Variants in MTO1 observed in about 807,000 individuals in gnomAD.
MTO1 encodes the protein mitochondrial tRNA translation optimization 1, also known as 5-taurinomethyluridine-[tRNA] synthase subunit MTO1, mitochondrial.
A neutral mutation model predicts 71.6 loss-of-function variants in MTO1; 46 were observed. The ratio of observed to expected loss-of-function variants is 0.64; its 90% confidence interval spans 0.51 to 0.82. The LOEUF (loss-of-function observed/expected upper bound fraction) is 0.82. MTO1 is among the 40% of genes least tolerant of loss of function. The probability of loss-of-function intolerance (pLI) is 0.00; values close to 1 mark genes in which losing one functional copy is unlikely to be tolerated. For synonymous variants in MTO1, 297 were observed against 312.1 expected, an observed-to-expected ratio of 0.95 and a Z score of 0.51; for missense variants, 773 against 867.5, an observed-to-expected ratio of 0.89 and a Z score of 1.37.
In MTO1 at chr6:73,461,810, C is replaced by A. The variant is rs375406465; in HGVS notation, c.-45C>A. On this transcript the variant is annotated 5_prime_UTR_variant, in exon 1 of 12. Coordinates refer to ENST00000498286, the MANE Select transcript of MTO1 (RefSeq NM_012123.4). ...CTCTTGTTGCGTAAGTTTTTTTGAC[C>A]GTCACTCGTGTCAGCTTCAAAGTCA... is the stretch of plus-strand genomic sequence containing the variant. 58 of 1,582,542 alleles carry A rather than the reference C, an allele frequency of 3.7e-5. No individual in the cohort carries two copies. The African/African-American group carries it at 7.3e-4, about 20-fold the overall frequency.
At chr6:73,488,817 C>T (rs1051969333) in intron 9 of MTO1, among the ~76,000 whole-genome samples, 2 of 152,096 alleles carry the variant, frequency 1.3e-5, no homozygotes, top group African/African-American at 4.8e-5. Context: ...ACTGAGCGGG[C>T]TGAAGCACGA....
At chr6:73,486,780 G>A (rs1308477778) in intron 9 of MTO1, 1 of 182,866 alleles carries the variant, frequency 5.5e-6, no homozygotes, top group African/African-American at 2.4e-5. Flanking sequence ...TTTTGTGACT[G>A]GCTTATTTCA....
chr6:73,473,405 TA>T lies in MTO1; in HGVS notation c.577del (p.Thr193LeufsTer5), dbSNP rs767108502. The T allele has an allele frequency of 6.2e-7, 1 of 1,614,226 alleles. No individual in the cohort carries two copies. The highest frequency in any genetic ancestry group is 1.1e-5 in the South Asian group (1 of 91,090). On this transcript the variant is annotated frameshift_variant, in exon 4 of 12. Transcript: ENST00000498286. LOFTEE classifies it high-confidence loss of function. ...TVYAESVILT[T>X]GTFLRGMIVI... The stretch of plus-strand genomic sequence containing the variant: ...TATATGCAGAGAGTGTGATTCTGAC[TA>T]CTGGGACATTTCTGAGAGGCATGAT...
chr6:73,493,910 TAA>T (rs1252280970), intron 10 of MTO1, among the ~76,000 whole-genome samples: 4 of 152,110 alleles, frequency 2.6e-5, no homozygotes, highest in African/African-American at 9.7e-5. Context: ...TGCATTTTTT[TAA>T]GTTTTTCATA....
intron 4 of MTO1, among the ~76,000 whole-genome samples, chr6:73,478,941 T>G (rs1771408964): frequency 7.2e-6 from 1 of 139,272 alleles, no homozygotes; most frequent in Non-Finnish European, 1.5e-5. Flanking sequence ...CAGGCTGGAG[T>G]GCAATGGTGC....
intron 7 of MTO1, 164 bp downstream of exon 7, chr6:73,480,969 G>GTT (rs398001972): frequency 3.6e-3 from 837 of 232,012 alleles, no homozygotes; most frequent in Middle Eastern, 8.6e-3. Flanking sequence ...AGATAATAGG[G>GTT]TTTTTTTTTT....
intron 9 of MTO1, among the ~76,000 whole-genome samples, chr6:73,483,988 A>G (rs1372971064): frequency 6.6e-6 from 1 of 152,012 alleles, no homozygotes; most frequent in Admixed American, 6.6e-5. Context: ...CATGTTGGCC[A>G]GGCTGTGCTC....
intron 3 of MTO1, among the ~76,000 whole-genome samples, chr6:73,472,276 G>A (rs1381828589): frequency 6.6e-6 from 1 of 151,956 alleles, no homozygotes; most frequent in Non-Finnish European, 1.5e-5. Context: ...CTTCTGACTG[G>A]TTCTTTTTCA....
chr6:73,463,164 C>T (rs999918293), intron 1 of MTO1, among the ~76,000 whole-genome samples: 3 of 151,906 alleles, frequency 2.0e-5, no homozygotes, highest in African/African-American at 7.3e-5. Context: ...GCTGGGATTA[C>T]AGGCACCCAC....
chr6:73,480,403 T>A, intron 6 of MTO1: 1 of 635,836 alleles, frequency 1.6e-6, no homozygotes, highest in Non-Finnish European at 2.9e-6. Flanking sequence ...CCTGAGTAAC[T>A]GGGATTACAG....
chr6:73,490,635 T>C (rs1771778253), intron 9 of MTO1, among the ~76,000 whole-genome samples: 1 of 152,104 alleles, frequency 6.6e-6, no homozygotes, highest in South Asian at 2.1e-4. Flanking sequence ...GTATAAGGCC[T>C]CTAACCATGT....
At chr6:73,495,941 A>G (rs541540736) in intron 10 of MTO1, among the ~76,000 whole-genome samples, 49 of 152,284 alleles carry the variant, frequency 3.2e-4, no homozygotes, top group African/African-American at 1.1e-3. Context: ...AGTTTTACAG[A>G]TAAGTGGTAA....
chr6:73,480,389 G>C (rs1487578826), intron 6 of MTO1: 1 of 650,044 alleles, frequency 1.5e-6, no homozygotes, highest in Non-Finnish European at 2.8e-6. Flanking sequence ...TTCTGCCTCA[G>C]CCTCCTGAGT....
At chr6:73,484,995 C>T (rs1457478106) in intron 9 of MTO1, among the ~76,000 whole-genome samples, 2 of 149,670 alleles carry the variant, frequency 1.3e-5, no homozygotes, top group South Asian at 2.1e-4. Context: ...TGCAGTGAGC[C>T]GAAATCACAC....
At chr6:73,484,890 T>C (rs1771607705) in intron 9 of MTO1, among the ~76,000 whole-genome samples, 1 of 151,712 alleles carries the variant, frequency 6.6e-6, no homozygotes, top group Non-Finnish European at 1.5e-5. Flanking sequence ...CTACTAAAAA[T>C]ACAAAAATTA....
At chr6:73,490,249 C>T (rs1005349339) in intron 9 of MTO1, among the ~76,000 whole-genome samples, 1 of 152,138 alleles carries the variant, frequency 6.6e-6, no homozygotes, top group Non-Finnish European at 1.5e-5. Context: ...TGCCTGTTCA[C>T]TCTGATGGTA....
intron 1 of MTO1, chr6:73,462,453 G>A: frequency 5.1e-6 from 1 of 195,228 alleles, no homozygotes; most frequent in Non-Finnish European, 1.1e-5. Context: ...TTATGGCCAG[G>A]TGCAGTGGCT....
chr6:73,463,584 T>G (rs1770889427), intron 1 of MTO1, among the ~76,000 whole-genome samples: 2 of 152,200 alleles, frequency 1.3e-5, no homozygotes, highest in African/African-American at 4.8e-5. Context: ...AATCACTTAT[T>G]TATTCCTGAA....
intron 9 of MTO1, chr6:73,487,512 G>A (rs1771688602): frequency 6.9e-6 from 1 of 144,966 alleles, no homozygotes; most frequent in African/African-American, 2.5e-5. Context: ...TGTATACCCA[G>A]AAGTGGAATT....
Sources: gnomAD v4.1 joint callset for allele counts (sites outside exome capture counted in the v4.1 genomes callset) on GRCh38, gnomAD v4.1.1 for gene constraint, MANE v1.5 for transcripts, NCBI Gene and HGNC (gene_info 2026-07-23, HGNC 2026-07-21) for gene names.